Variants in FRMD4A observed in about 807,000 individuals in gnomAD.
FRMD4A encodes the protein FERM domain-containing protein 4A.
A neutral mutation model predicts 129.1 loss-of-function variants in FRMD4A; 29 were observed. The ratio of observed to expected loss-of-function variants is 0.22; its 90% CI spans 0.17 to 0.31. The LOEUF is 0.31. FRMD4A is among the 10% of genes least tolerant of loss of function. FRMD4A has a pLI of 1.00. For synonymous variants in FRMD4A, 634 were observed against 571.6 expected (o/e 1.11, Z -1.56); for missense variants, 1,272 against 1,375.8 (o/e 0.92, Z 1.19).
intron 2 of FRMD4A, among the ~76,000 whole-genome samples, chr10:14,169,703 G>A (rs1841376018): frequency 6.6e-6 from 1 of 152,064 alleles, no homozygotes; most frequent in Admixed American, 6.5e-5. Flanking sequence ...CACTTTCTTA[G>A]GAAAACATTT....
chr10:13,709,350 C>A (rs533307230), intron 12 of FRMD4A, among the ~76,000 whole-genome samples: 3 of 152,306 alleles, frequency 2.0e-5, no homozygotes, highest in East Asian at 3.9e-4. Context: ...AAAATAACCC[C>A]TCTAAGGTAG....
chr10:13,828,535 C>CTTTCTTTCT (rs1554923864), intron 3 of FRMD4A, among the ~76,000 whole-genome samples: 16 of 135,244 alleles, frequency 1.2e-4, no homozygotes, highest in South Asian at 4.7e-4. Flanking sequence ...TTCTTTCTTT[C>CTTTCTTTCT]TTTTTTTTTT....
chr10:13,982,915 G>T (rs182527739), intron 2 of FRMD4A, among the ~76,000 whole-genome samples: 3 of 152,304 alleles, frequency 2.0e-5, no homozygotes, highest in Admixed American at 6.5e-5. Context: ...CAGCCAACAA[G>T]AAGTCCCTCT....
chr10:13,822,576 G>A (rs7096812), intron 3 of FRMD4A, among the ~76,000 whole-genome samples: 1 of 152,124 alleles, frequency 6.6e-6, no homozygotes, highest in Non-Finnish European at 1.5e-5. Context: ...CACGAGACAG[G>A]ATGGAACCTG....
At chr10:13,840,662 C>T (rs1164387783) in intron 3 of FRMD4A, among the ~76,000 whole-genome samples, 1 of 151,702 alleles carries the variant, frequency 6.6e-6, no homozygotes, top group African/African-American at 2.4e-5. Flanking sequence ...GTGGCACATG[C>T]CTGTAATCCC....
In FRMD4A at chr10:13,701,429, T is replaced by A; in HGVS notation, c.886A>T (p.Thr296Ser). The A allele has an allele frequency of 6.2e-7, 1 of 1,613,848 alleles. No individual in the cohort carries two copies. Among genetic ancestry groups the A allele is most frequent in the South Asian group, 1.1e-5 (1 of 91,078 alleles). The change falls in exon 14 of 25, where the codon ACG becomes TCG. Residue 296 changes from threonine (T) to serine (S), a missense_variant. Physicochemically the swap from Thr to Ser is moderately conservative, Grantham distance 58 (BLOSUM62 1). Coordinates refer to ENST00000357447, the MANE Select transcript of FRMD4A (RefSeq NM_018027.5). ...TFGHSGIAVH[T>S]WYACPALIKS... is the part of the protein sequence containing the mutation. ...ATCAATGCCGGACATGCATACCACG[T>A]GTGCACTGCAATGCCGCTGTGCCCA... is the stretch of plus-strand genomic sequence containing the variant.
chr10:14,187,482 A>C lies in FRMD4A; in HGVS notation c.45+142576T>G, dbSNP rs578162312. Reference sequence around the variant, plus strand: ...CAGAGCCATTATCGTGGAATGACTGACTTAGAGAACGCTCCATGGACATTT... The same window carrying C: ...CAGAGCCATTATCGTGGAATGACTGCCTTAGAGAACGCTCCATGGACATTT... On this transcript the variant is annotated intron_variant, in intron 2 of 24. Transcript: ENST00000357447. Among the ~76,000 whole-genome samples the C allele has an allele frequency of 7.2e-5, 11 of 152,290 alleles. No homozygotes were observed. In the East Asian group the frequency reaches 2.1e-3, roughly 29 times the overall value.
chr10:14,008,150 C>CATGG, intron 2 of FRMD4A: 1 of 1,257,804 alleles, frequency 8.0e-7, no homozygotes, highest in Non-Finnish European at 1.0e-6. Flanking sequence ...CCTGAACCAC[C>CATGG]ATGGTGTACA....
At chr10:14,064,247 T>C (rs914875987) in intron 2 of FRMD4A, among the ~76,000 whole-genome samples, 1 of 152,220 alleles carries the variant, frequency 6.6e-6, no homozygotes, top group African/African-American at 2.4e-5. Context: ...TATTTTTATA[T>C]TGATGTTTTC....
intron 2 of FRMD4A, among the ~76,000 whole-genome samples, chr10:14,044,217 C>T (rs1421614954): frequency 2.6e-5 from 4 of 152,322 alleles, no homozygotes; most frequent in East Asian, 1.9e-4. Context: ...TCTTTCCTGT[C>T]GCCCCTTTAC....
At chr10:13,776,952 G>T (rs1339435037) in intron 6 of FRMD4A, among the ~76,000 whole-genome samples, 1 of 152,240 alleles carries the variant, frequency 6.6e-6, no homozygotes, top group Non-Finnish European at 1.5e-5. Flanking sequence ...TCACATGCCT[G>T]GCATGGGACT....
chr10:13,975,556 ATGTG>A (rs1259849969), intron 2 of FRMD4A, among the ~76,000 whole-genome samples: 1 of 146,962 alleles, frequency 6.8e-6, no homozygotes, highest in African/African-American at 2.5e-5. Flanking sequence ...TTGTGTATCT[ATGTG>A]TGTGTCTGTG....
chr10:14,263,001 G>A (rs1459339389), intron 2 of FRMD4A, among the ~76,000 whole-genome samples: 2 of 152,220 alleles, frequency 1.3e-5, no homozygotes, highest in African/African-American at 2.4e-5. Context: ...GCAGGCGAGA[G>A]GGGGAAATAC....
At chr10:13,663,852 A>G (rs2082820453) in intron 18 of FRMD4A, among the ~76,000 whole-genome samples, 1 of 152,228 alleles carries the variant, frequency 6.6e-6, no homozygotes, top group Non-Finnish European at 1.5e-5. Flanking sequence ...GCACAAACCC[A>G]GGGCGTGTAC....
chr10:14,000,672 A>G (rs2095639439), intron 2 of FRMD4A, among the ~76,000 whole-genome samples: 1 of 135,828 alleles, frequency 7.4e-6, no homozygotes, highest in Admixed American at 7.9e-5. Flanking sequence ...AAAAAAAGAG[A>G]AGAAAGCTAT....
At chr10:14,080,624 A>G (rs1243928762) in intron 2 of FRMD4A, among the ~76,000 whole-genome samples, 1 of 152,032 alleles carries the variant, frequency 6.6e-6, no homozygotes, top group Non-Finnish European at 1.5e-5. Flanking sequence ...GGACACAGCT[A>G]CAATCACAGA....
At chr10:14,210,896 T>C (rs1348785667) in intron 2 of FRMD4A, among the ~76,000 whole-genome samples, 2 of 152,170 alleles carry the variant, frequency 1.3e-5, no homozygotes, top group African/African-American at 2.4e-5. Context: ...TCCTGCTAAC[T>C]TTTTGTATTT....
intron 2 of FRMD4A, among the ~76,000 whole-genome samples, chr10:13,865,926 G>A (rs1323305963): frequency 2.0e-5 from 3 of 152,114 alleles, no homozygotes; most frequent in Admixed American, 2.0e-4. Context: ...GGGAAGGTAC[G>A]GTGAGGGAGG....
chr10:14,070,595 A>G (rs980736594), intron 2 of FRMD4A, among the ~76,000 whole-genome samples: 1 of 152,196 alleles, frequency 6.6e-6, no homozygotes, highest in African/African-American at 2.4e-5. Context: ...TTTCAGAGAC[A>G]CTGGAACCCT....
Sources: allele counts gnomAD v4.1 joint callset (sites outside exome capture counted in the v4.1 genomes callset), GRCh38; gene constraint gnomAD v4.1.1; transcripts MANE v1.5; gene names NCBI Gene and HGNC (gene_info 2026-07-23, HGNC 2026-07-21).